Variants in ASH1L observed in about 807,000 individuals in gnomAD.
ASH1L encodes the protein histone-lysine N-methyltransferase ASH1L.
In ASH1L, 23 loss-of-function variants were observed where a neutral mutation model predicts 269.0. The observed-to-expected ratio is 0.09, with a 90% confidence interval of 0.06 to 0.12. The LOEUF is 0.12. Among genes scored for constraint, ASH1L ranks in the 10% least tolerant of loss-of-function variants. The pLI is 1.00. For synonymous variants in ASH1L, 1,187 were observed against 1,253.5 expected (o/e 0.95, Z 1.12); for missense variants, 2,912 against 3,567.8 (o/e 0.82, Z 4.68).
intron 2 of ASH1L, among the ~76,000 whole-genome samples, chr1:155,503,868 G>T (rs988266751): frequency 2.6e-5 from 4 of 152,162 alleles, no homozygotes; most frequent in Admixed American, 2.0e-4. Context: ...GGGACAACAG[G>T]TGTAAGCCAC....
intron 6 of ASH1L, among the ~76,000 whole-genome samples, chr1:155,404,439 C>T (rs1659099546): frequency 6.6e-6 from 1 of 152,056 alleles, no homozygotes; most frequent in African/African-American, 2.4e-5. Context: ...TTTGGAAGGA[C>T]AAGGCAGGAG....
At position 155,433,254 on chromosome 1, in the gene ASH1L, C is replaced by T. The variant is rs541252448; in HGVS notation, c.5828+5073G>A. On this transcript the variant is annotated intron_variant, in intron 5 of 27. Coordinates refer to ENST00000392403, the MANE Select transcript of ASH1L (RefSeq NM_018489.3). The stretch of plus-strand genomic sequence containing the variant: ...GGTGGAGGTGATGGGCCAGGGGGGC[C>T]GGAGCCGGGCTGGGTTGATCCTCGG... 33 of 1,553,892 alleles carry T rather than the reference C, an allele frequency of 2.1e-5. 1 individual carries two copies. Among genetic ancestry groups the T allele is most frequent in the South Asian group, 1.3e-4 (11 of 84,316 alleles).
At chr1:155,354,350 GGAT>G in intron 16 of ASH1L, 120 bp downstream of exon 16, 4 of 828,734 alleles carry the variant, frequency 4.8e-6, no homozygotes, top group Non-Finnish European at 7.3e-6. Flanking sequence ...GGCTGAGGCA[GGAT>G]AATTGCTTGA....
intron 1 of ASH1L, among the ~76,000 whole-genome samples, chr1:155,549,769 T>C (rs1671071445): frequency 6.6e-6 from 1 of 152,140 alleles, no homozygotes; most frequent in Non-Finnish European, 1.5e-5. Flanking sequence ...TACCGAGGGA[T>C]GACTGTATAT....
chr1:155,486,718 A>G (rs1188349894), intron 2 of ASH1L, among the ~76,000 whole-genome samples: 1 of 152,188 alleles, frequency 6.6e-6, no homozygotes, highest in African/African-American at 2.4e-5. Context: ...TTACTTTTAT[A>G]CTTTTAAAAA....
At chr1:155,451,374 G>C (rs750594858) in intron 4 of ASH1L, among the ~76,000 whole-genome samples, 44 of 152,140 alleles carry the variant, frequency 2.9e-4, no homozygotes, top group Admixed American at 9.8e-4. Flanking sequence ...TGGATACAGA[G>C]TTTCAGTTTT....
At position 155,395,475 on chromosome 1, in the gene ASH1L, T is replaced by C. The variant is rs142095735; in HGVS notation, c.6087A>G (p.Pro2029=). 1.9e-6 allele frequency: 3 copies of C among 1,608,970 alleles called. No homozygotes were observed. Among genetic ancestry groups the C allele is most frequent in the Admixed American group, 3.4e-5 (2 of 59,134 alleles). The change falls in exon 7 of 28, where the codon CCA becomes CCG. Residue 2029 remains proline, a synonymous_variant. Coordinates refer to ENST00000392403, the MANE Select transcript of ASH1L (RefSeq NM_018489.3). ...GGTACTTACCAACATGAATGGGCGC[T>C]GGAAATAATCCATATTCATGCTCTC... ...TPGEHEYGLF[P]APIHVGKYLR...
At chr1:155,397,836 C>T (rs1439299487) in intron 6 of ASH1L, among the ~76,000 whole-genome samples, 1 of 152,196 alleles carries the variant, frequency 6.6e-6, no homozygotes, top group African/African-American at 2.4e-5. Flanking sequence ...CTTGGGATTA[C>T]AGGCGTGAGC....
chr1:155,347,433 GAA>G (rs1413920586), intron 20 of ASH1L, among the ~76,000 whole-genome samples: 1 of 151,868 alleles, frequency 6.6e-6, no homozygotes, highest in African/African-American at 2.4e-5. Context: ...AAAAAAACAA[GAA>G]GAGAGGAGAG....
chr1:155,393,905 C>T (rs530081507), intron 7 of ASH1L, among the ~76,000 whole-genome samples: 2 of 152,106 alleles, frequency 1.3e-5, no homozygotes, highest in South Asian at 2.1e-4. Context: ...CTATTATGTA[C>T]CAGGTGCTGG....
At chr1:155,443,341 C>A (rs1278025480) in intron 4 of ASH1L, among the ~76,000 whole-genome samples, 2 of 152,180 alleles carry the variant, frequency 1.3e-5, no homozygotes, top group Admixed American at 6.5e-5. Context: ...TTGTTCCTAT[C>A]TTCACAAATT....
At position 155,478,505 on chromosome 1, in the gene ASH1L, G is replaced by T. The variant is rs202028154; in HGVS notation, c.4365C>A (p.Thr1455=). Reference sequence around the variant, plus strand: ...TCATGGAAAGGAGGGGAGTCCTGCTGGTTGTAAGAAAGGCCTCCTGTCGAA... The same window carrying T: ...TCATGGAAAGGAGGGGAGTCCTGCTTGTTGTAAGAAAGGCCTCCTGTCGAA... ...KLLRQEAFLT[T]SRTPLLSMST... is the part of the protein sequence containing the mutation. Residue 1455 remains threonine, a synonymous_variant, in exon 3 of 28, where the codon ACC becomes ACA. Transcript: ENST00000392403. This position sits in a 1 kb window ranked among gnomAD's most constrained non-coding sequence, Gnocchi z 4.6. 16 of 1,614,000 alleles carry T rather than the reference G, an allele frequency of 9.9e-6. No homozygotes were observed. The highest frequency in any genetic ancestry group is 8.3e-5 in the Admixed American group (5 of 59,978).
chr1:155,493,231 G>A (rs1357215083), intron 2 of ASH1L, among the ~76,000 whole-genome samples: 1 of 151,956 alleles, frequency 6.6e-6, no homozygotes, highest in African/African-American at 2.4e-5. Flanking sequence ...TTTTCCATAC[G>A]TATACTTCCT....
chr1:155,406,130 G>C (rs1415169157), intron 6 of ASH1L, among the ~76,000 whole-genome samples: 1 of 151,196 alleles, frequency 6.6e-6, no homozygotes, highest in Non-Finnish European at 1.5e-5. Flanking sequence ...CTTAAACCCA[G>C]GGGGCGAAGG....
In ASH1L at chr1:155,481,020, G is replaced by A. The variant is rs762667748; in HGVS notation, c.1850C>T (p.Ser617Leu). The A allele has an allele frequency of 8.7e-6, 14 of 1,613,782 alleles. No homozygotes were observed. The African/African-American group carries it at 1.9e-4, about 22-fold the overall frequency. Residue 617 changes from serine (S) to leucine (L), a missense_variant, in exon 3 of 28, where the codon TCA (serine) becomes TTA (leucine). Around this residue, in one of 13 missense-constraint regions of ASH1L, gnomAD observed 715 missense variants for 721.0 expected, o/e 0.99. Transcript: ENST00000392403. ...ESTHLNVGHR[S>L]VGHSISIECK... ...TTCAATACTTATACTATGACCAACT[G>A]ACCTATGACCAACGTTCAAGTGGGT...
intron 1 of ASH1L, among the ~76,000 whole-genome samples, chr1:155,553,639 A>T (rs766421850): frequency 1.1e-4 from 16 of 152,196 alleles, no homozygotes; most frequent in Non-Finnish European, 1.9e-4. Flanking sequence ...TCCCACTTGT[A>T]GGAAGCCACC....
At chr1:155,443,143 A>T (rs564192113) in intron 4 of ASH1L, among the ~76,000 whole-genome samples, 265 of 152,314 alleles carry the variant, frequency 1.7e-3, no homozygotes, top group Non-Finnish European at 2.9e-3. Flanking sequence ...TGAAGAATGA[A>T]TCCTGGGATC....
intron 5 of ASH1L, chr1:155,433,328 G>T (rs1661763914): frequency 2.5e-6 from 4 of 1,586,948 alleles, no homozygotes; most frequent in Non-Finnish European, 3.4e-6. Context: ...AATCGGGCCG[G>T]GAGTTGGGTC....
chr1:155,515,193 A>G (rs1481972540), intron 2 of ASH1L, among the ~76,000 whole-genome samples: 1 of 152,158 alleles, frequency 6.6e-6, no homozygotes, highest in East Asian at 1.9e-4. Flanking sequence ...AAAGAGCCCA[A>G]TTCTTCTCCA....
Sources: allele counts gnomAD v4.1 joint callset (sites outside exome capture counted in the v4.1 genomes callset), GRCh38; gene constraint gnomAD v4.1.1; regional missense constraint gnomAD v4.1.1; non-coding constraint Gnocchi (gnomAD v3.1); transcripts MANE v1.5; gene names NCBI Gene and HGNC (gene_info 2026-07-23, HGNC 2026-07-21).